PKHD1: variants seen among roughly 807,000 people sequenced by gnomAD.
PKHD1 encodes PKHD1 ciliary IPT domain containing fibrocystin/polyductin.
In PKHD1, 291 loss-of-function variants were observed where a neutral mutation model predicts 412.0. The observed-to-expected ratio is 0.71, with a 90% CI of 0.64 to 0.78. The LOEUF (loss-of-function observed/expected upper bound fraction) is 0.78. Ranked by LOEUF, PKHD1 falls within the 30% of genes least tolerant of loss-of-function variation. The probability of loss-of-function intolerance (pLI) is 0.00; values close to 1 mark genes in which losing one functional copy is unlikely to be tolerated. For missense variants in PKHD1, 4,825 were observed against 4,950.7 expected, an observed-to-expected ratio of 0.97 and a Z score of 0.76; for synonymous variants, 1,777 against 1,821.5, an observed-to-expected ratio of 0.98 and a Z score of 0.62.
intron 60 of PKHD1, among the ~76,000 whole-genome samples, chr6:51,692,906 T>G (rs1778350542): frequency 6.6e-6 from 1 of 152,212 alleles, no homozygotes; most frequent in Admixed American, 6.6e-5. Flanking sequence ...GATTTAATCA[T>G]TTTGACTTAA....
At chr6:51,807,830 GTA>G (rs2151376991) in intron 52 of PKHD1, among the ~76,000 whole-genome samples, 1 of 152,092 alleles carries the variant, frequency 6.6e-6, no homozygotes, top group Non-Finnish European at 1.5e-5. Context: ...AAACTTCACT[GTA>G]TGATTCCTTT....
At chr6:51,671,549 G>A (rs575589875) in intron 60 of PKHD1, among the ~76,000 whole-genome samples, 2 of 152,286 alleles carry the variant, frequency 1.3e-5, no homozygotes, top group African/African-American at 4.8e-5. Context: ...CTCTCAGCTC[G>A]TCAAAGTCAT....
intron 36 of PKHD1, among the ~76,000 whole-genome samples, chr6:51,949,983 T>C (rs1477472958): frequency 1.3e-5 from 2 of 151,988 alleles, no homozygotes; most frequent in Non-Finnish European, 2.9e-5. Flanking sequence ...CATCTCCCTG[T>C]TCTTCCTTTA....
At chr6:51,925,973 T>TTA (rs1785545227) in intron 37 of PKHD1, among the ~76,000 whole-genome samples, 1 of 140,324 alleles carries the variant, frequency 7.1e-6, no homozygotes, top group African/African-American at 2.6e-5. Context: ...CAATGCAGAT[T>TTA]AAAAAAAAAA....
chr6:52,035,506 G>T (rs1803801458), intron 28 of PKHD1, 85 bp downstream of exon 28: 1 of 1,229,816 alleles, frequency 8.1e-7, no homozygotes, highest in Non-Finnish European at 1.2e-6. Context: ...AGTTCATTTA[G>T]TTCTAAGAAG....
At chr6:51,701,293 A>G (rs1208534338) in intron 60 of PKHD1, among the ~76,000 whole-genome samples, 1 of 152,110 alleles carries the variant, frequency 6.6e-6, no homozygotes, top group African/African-American at 2.4e-5. Flanking sequence ...TAAGCAAAAA[A>G]TTAGCCTATT....
intron 60 of PKHD1, among the ~76,000 whole-genome samples, chr6:51,689,818 A>G (rs970114012): frequency 3.3e-5 from 5 of 152,314 alleles, no homozygotes; most frequent in Admixed American, 2.0e-4. Context: ...ATCCAAAACT[A>G]AAACAACTGC....
At chr6:52,044,696 A>G (rs1301191664) in intron 25 of PKHD1, among the ~76,000 whole-genome samples, 1 of 152,228 alleles carries the variant, frequency 6.6e-6, no homozygotes, top group Admixed American at 6.5e-5. Context: ...AGCATAAATC[A>G]TATTTAGCTA....
chr6:51,889,859 T>G (rs1778833718), intron 43 of PKHD1, among the ~76,000 whole-genome samples: 1 of 152,158 alleles, frequency 6.6e-6, no homozygotes, highest in Admixed American at 6.5e-5. Context: ...TGAGTTGCTT[T>G]GGGAACCCAC....
At chr6:51,915,972 G>A (rs867112394) in intron 37 of PKHD1, among the ~76,000 whole-genome samples, 1 of 152,018 alleles carries the variant, frequency 6.6e-6, no homozygotes, top group African/African-American at 2.4e-5. Flanking sequence ...ATATCCACAG[G>A]CTGAGCAGGC....
chr6:52,083,153 T>C, intron 3 of PKHD1, 25 bp downstream of exon 3: 1 of 1,442,396 alleles, frequency 6.9e-7, no homozygotes, highest in Non-Finnish European at 9.8e-7. Context: ...ATAAGAAATG[T>C]GCACTTGGTA....
Position 51,902,607 on chromosome 6 carries a change from G to A in PKHD1, c.6996+990C>T, listed in dbSNP as rs1781457306. ...AGTGAGAAAGAAGCTCATCCTCTGA[G>A]TTCCTTAGAAACTCAGCATAATGAC... On this transcript the variant is annotated intron_variant, in intron 43 of 66. Transcript: ENST00000371117. 3.3e-5 allele frequency among the ~76,000 whole-genome samples: 5 copies of A among 152,312 alleles called. No homozygotes were observed. The South Asian group carries it at 1.0e-3, about 32-fold the overall frequency.
At chr6:51,646,299 G>A (rs1770075507) in intron 63 of PKHD1, among the ~76,000 whole-genome samples, 1 of 152,176 alleles carries the variant, frequency 6.6e-6, no homozygotes, top group Non-Finnish European at 1.5e-5. Flanking sequence ...AAGGTGCTGT[G>A]ATAATTGTGA....
chr6:52,022,388 C>T (rs887400412), intron 33 of PKHD1, among the ~76,000 whole-genome samples: 3 of 152,192 alleles, frequency 2.0e-5, no homozygotes, highest in Non-Finnish European at 4.4e-5. Flanking sequence ...TGAAAATCTC[C>T]ATCCCTTTAC....
intron 49 of PKHD1, among the ~76,000 whole-genome samples, chr6:51,852,477 A>T (rs937619310): frequency 6.6e-6 from 1 of 152,164 alleles, no homozygotes; most frequent in Non-Finnish European, 1.5e-5. Context: ...TGTCTCATTG[A>T]TCTGTCTAAT....
intron 52 of PKHD1, among the ~76,000 whole-genome samples, chr6:51,795,541 C>G (rs1794467562): frequency 6.6e-6 from 1 of 152,156 alleles, no homozygotes; most frequent in Non-Finnish European, 1.5e-5. Context: ...CCTAATTGCC[C>G]TGGCCAGAAC....
At chr6:52,035,050 G>T (rs1264065575) in intron 28 of PKHD1, among the ~76,000 whole-genome samples, 1 of 152,066 alleles carries the variant, frequency 6.6e-6, no homozygotes, top group Non-Finnish European at 1.5e-5. Flanking sequence ...CCCTTAATAG[G>T]CCATGATATA....
intron 52 of PKHD1, among the ~76,000 whole-genome samples, chr6:51,807,402 C>CT (rs1554254001): frequency 7.0e-6 from 1 of 143,416 alleles, no homozygotes; most frequent in Non-Finnish European, 1.5e-5. Flanking sequence ...CATGCCACTA[C>CT]ACTCCAGCCT....
chr6:51,950,218 A>ATATATAT (rs1224067905), intron 36 of PKHD1, among the ~76,000 whole-genome samples: 6 of 40,882 alleles, frequency 1.5e-4, no homozygotes, highest in Non-Finnish European at 2.2e-4. Flanking sequence ...GAGAAAAAAA[A>ATATATAT]AAATATATAT....
Sources: allele counts gnomAD v4.1 joint callset (sites outside exome capture counted in the v4.1 genomes callset), GRCh38; gene constraint gnomAD v4.1.1; transcripts MANE v1.5; gene names NCBI Gene and HGNC (gene_info 2026-07-23, HGNC 2026-07-21).